DCDC1: variants seen among roughly 807,000 people sequenced by gnomAD.
The protein encoded by DCDC1 is doublecortin domain containing 1.
In DCDC1, 200 loss-of-function variants were observed where a neutral mutation model predicts 178.3. That is an observed-to-expected ratio of 1.12 (90% CI 1.00 to 1.26). The LOEUF (loss-of-function observed/expected upper bound fraction) is 1.26, where lower values mean the gene tolerates loss of function less well. Among genes scored for constraint, DCDC1 ranks in the 50% most tolerant of loss-of-function variants. DCDC1 has a pLI of 0.00. For missense variants in DCDC1, 1,983 were observed against 1,749.2 expected, an observed-to-expected ratio of 1.13 and a Z score of -2.38; for synonymous variants, 690 against 604.8, an observed-to-expected ratio of 1.14 and a Z score of -2.07.
intron 20 of DCDC1, among the ~76,000 whole-genome samples, chr11:31,051,319 G>C (rs2135411611): frequency 6.6e-6 from 1 of 152,266 alleles, no homozygotes; most frequent in Admixed American, 6.5e-5. Context: ...CAAGAAGTCT[G>C]GGATTATGTT....
intron 20 of DCDC1, among the ~76,000 whole-genome samples, chr11:31,046,630 A>G (rs1954861689): frequency 6.8e-6 from 1 of 147,698 alleles, no homozygotes; most frequent in Non-Finnish European, 1.5e-5. Context: ...AAAAAAAGCC[A>G]TATGTGCAAT....
At chr11:30,899,151 A>C (rs1048898907) in intron 34 of DCDC1, among the ~76,000 whole-genome samples, 1 of 151,866 alleles carries the variant, frequency 6.6e-6, no homozygotes, top group Non-Finnish European at 1.5e-5. Flanking sequence ...AAAAAAAAAA[A>C]CTTCTTCCCC....
chr11:31,043,348 G>T (rs1480705807), intron 20 of DCDC1, among the ~76,000 whole-genome samples: 1 of 152,164 alleles, frequency 6.6e-6, no homozygotes, highest in Non-Finnish European at 1.5e-5. Flanking sequence ...ATCTGAGAAA[G>T]TTTAAGAGAC....
intron 7 of DCDC1, among the ~76,000 whole-genome samples, chr11:31,286,256 T>C (rs376065962): frequency 3.6e-4 from 55 of 152,240 alleles, no homozygotes; most frequent in African/African-American, 1.3e-3. Flanking sequence ...GCAAGTGTTC[T>C]GTGGACCACA....
At chr11:31,146,107 C>CT (rs1964423748) in intron 9 of DCDC1, among the ~76,000 whole-genome samples, 1 of 145,530 alleles carries the variant, frequency 6.9e-6, no homozygotes. Context: ...GAGTCTCGCT[C>CT]TGTTGCCCAG....
At chr11:31,341,847 T>TCACACACA in intron 1 of DCDC1, among the ~76,000 whole-genome samples, 2 of 77,832 alleles carry the variant, frequency 2.6e-5, no homozygotes, top group Middle Eastern at 0.012. Flanking sequence ...ACACACACAT[T>TCACACACA]TTTTTTGGTC....
At chr11:31,315,937 A>C (rs1949086062) in intron 3 of DCDC1, among the ~76,000 whole-genome samples, 1 of 113,704 alleles carries the variant, frequency 8.8e-6, no homozygotes, top group African/African-American at 4.2e-5. Flanking sequence ...TAGTTTACTG[A>C]GAATGATGGT....
chr11:30,877,950 C>T (rs1407390179), intron 38 of DCDC1, among the ~76,000 whole-genome samples: 3 of 151,622 alleles, frequency 2.0e-5, no homozygotes, highest in South Asian at 2.1e-4. Flanking sequence ...ATGGAATGTT[C>T]GATTATATAT....
intron 9 of DCDC1, among the ~76,000 whole-genome samples, chr11:31,171,891 T>C (rs1967290347): frequency 6.6e-6 from 1 of 152,236 alleles, no homozygotes; most frequent in Non-Finnish European, 1.5e-5. Flanking sequence ...GGTAAGCTTA[T>C]AGACATTTCA....
intron 9 of DCDC1, among the ~76,000 whole-genome samples, chr11:31,205,952 A>G (rs2554050): frequency 0.092 from 13,928 of 152,208 alleles, 1,754 homozygotes; most frequent in African/African-American, 0.28. Context: ...ATAAATATCT[A>G]TACCTACTAT....
chr11:31,305,409 G>A (rs907747028), intron 6 of DCDC1, among the ~76,000 whole-genome samples: 1 of 152,016 alleles, frequency 6.6e-6, no homozygotes, highest in African/African-American at 2.4e-5. Context: ...ATTAAATTAA[G>A]CACCAATGCT....
intron 20 of DCDC1, among the ~76,000 whole-genome samples, chr11:31,046,421 G>T (rs1954844694): frequency 6.6e-6 from 1 of 151,942 alleles, no homozygotes; most frequent in Non-Finnish European, 1.5e-5. Context: ...AGCCATATAT[G>T]ATGTGTACCA....
chr11:30,901,676 C>T (rs273559), intron 32 of DCDC1, among the ~76,000 whole-genome samples: 105,795 of 151,984 alleles, frequency 0.7, 37,271 homozygotes, highest in Middle Eastern at 0.81. Context: ...TAGTCCTACA[C>T]TAATAATATT....
At position 30,917,193 on chromosome 11, in the gene DCDC1, T is replaced by A. The variant is rs577973525; in HGVS notation, c.3294-165A>T. Among the ~76,000 whole-genome samples, 5 of 152,268 alleles carry A rather than the reference T, an allele frequency of 3.3e-5. No individual in the cohort carries two copies. The East Asian group carries it at 9.7e-4, about 29-fold the overall frequency. On this transcript the variant is annotated intron_variant, in intron 25 of 38. Transcript: ENST00000684477. Reference sequence around the variant, plus strand: ...TGGAAATTCACATCTCACTAATACATCATTTAGATCTTTTAATATAAGGCT... The same window carrying A: ...TGGAAATTCACATCTCACTAATACAACATTTAGATCTTTTAATATAAGGCT...
chr11:31,222,007 C>T (rs1462068143), intron 9 of DCDC1, among the ~76,000 whole-genome samples: 1 of 152,108 alleles, frequency 6.6e-6, no homozygotes, highest in African/African-American at 2.4e-5. Context: ...ACAATTCAAC[C>T]AAGTTCTTTG....
intron 3 of DCDC1, 149 bp from the exon 4 acceptor site, chr11:31,308,057 G>A: frequency 1.9e-6 from 2 of 1,055,782 alleles, no homozygotes; most frequent in Non-Finnish European, 2.7e-6. Context: ...AATATTCCTG[G>A]GAAGTGGTTA....
intron 17 of DCDC1, among the ~76,000 whole-genome samples, chr11:31,086,718 A>C (rs1957501236): frequency 6.6e-6 from 1 of 152,148 alleles, no homozygotes; most frequent in Non-Finnish European, 1.5e-5. Context: ...AGAGCTAATT[A>C]TTCTTAAGCT....
chr11:31,192,018 C>T (rs1486067775), intron 9 of DCDC1, among the ~76,000 whole-genome samples: 3 of 152,056 alleles, frequency 2.0e-5, no homozygotes, highest in Non-Finnish European at 2.9e-5. Flanking sequence ...ATAAATGGCA[C>T]AATCTTATCA....
intron 20 of DCDC1, among the ~76,000 whole-genome samples, chr11:31,006,105 T>C (rs1951831726): frequency 6.6e-6 from 1 of 152,236 alleles, no homozygotes; most frequent in Non-Finnish European, 1.5e-5. Flanking sequence ...ATCACTAATA[T>C]ATCCATTATC....
Sources: allele counts gnomAD v4.1 joint callset (sites outside exome capture counted in the v4.1 genomes callset), GRCh38; gene constraint gnomAD v4.1.1; transcripts MANE v1.5; gene names NCBI Gene and HGNC (gene_info 2026-07-23, HGNC 2026-07-21).